HLF: variants seen among roughly 807,000 people sequenced by gnomAD.
HLF encodes HLF transcription factor, PAR bZIP family member.
In HLF, 3 loss-of-function variants were observed where a neutral mutation model predicts 22.6. The observed-to-expected ratio is 0.13, with a 90% CI of 0.06 to 0.34. The LOEUF is 0.34. Ranked by LOEUF, HLF falls within the 10% of genes least tolerant of loss-of-function variation. The probability of loss-of-function intolerance (pLI) is 1.00; values close to 1 mark genes in which losing one functional copy is unlikely to be tolerated. For synonymous variants in HLF, 151 were observed against 151.8 expected (o/e 0.99, Z 0.04); for missense variants, 299 against 389.2 (o/e 0.77, Z 1.95).
At chr17:55,281,337 A>G (rs2080953604) in intron 2 of HLF, among the ~76,000 whole-genome samples, 1 of 152,160 alleles carries the variant, frequency 6.6e-6, no homozygotes, top group Admixed American at 6.5e-5. Flanking sequence ...AACATGGTGA[A>G]ACCCCGTCTC....
At chr17:55,282,033 G>A (rs1443627817) in intron 2 of HLF, among the ~76,000 whole-genome samples, 4 of 152,188 alleles carry the variant, frequency 2.6e-5, no homozygotes, top group Non-Finnish European at 4.4e-5. Context: ...TTTTGAGCAA[G>A]TCACTTGAAT....
chr17:55,309,257 T>C (rs1412399495), intron 2 of HLF, among the ~76,000 whole-genome samples: 8 of 152,202 alleles, frequency 5.3e-5, no homozygotes, highest in African/African-American at 2.4e-5. Flanking sequence ...CCAGCTAATA[T>C]GGCCTGAGTC....
chr17:55,275,757 C>A (rs1255017725), intron 2 of HLF, among the ~76,000 whole-genome samples: 1 of 152,138 alleles, frequency 6.6e-6, no homozygotes, highest in East Asian at 1.9e-4. Context: ...CAAGAAAGAT[C>A]CAGCTTGGTG....
intron 2 of HLF, among the ~76,000 whole-genome samples, chr17:55,268,542 T>C (rs920885915): frequency 7.2e-5 from 11 of 152,196 alleles, no homozygotes; most frequent in Non-Finnish European, 1.5e-4. Flanking sequence ...ATATTCACTC[T>C]TGTCTGTCCT....
Position 55,321,113 on chromosome 17 carries a change from G to A in HLF, c.*234G>A. 2 of 483,574 alleles carry A rather than the reference G, an allele frequency of 4.1e-6. No homozygotes were observed. The highest frequency in any genetic ancestry group is 7.5e-6 in the Non-Finnish European group (2 of 267,062). 30.0% of individuals were successfully genotyped at this position (483,574 alleles called of 1,614,324 possible). A position where few individuals can be genotyped will look rare whatever the true frequency, so the allele number is the denominator to read the frequency against. The stretch of plus-strand genomic sequence containing the variant: ...CCTTTGCTCTTGCCATTTTAAGGTA[G>A]CCCTCTCATCGTCTTTTAGTTCCAA... On this transcript the variant is annotated 3_prime_UTR_variant, in exon 4 of 4. Transcript: ENST00000226067.
chr17:55,279,062 C>A (rs1371418883), intron 2 of HLF, among the ~76,000 whole-genome samples: 1 of 152,230 alleles, frequency 6.6e-6, no homozygotes, highest in Admixed American at 6.5e-5. Context: ...ATTAGTACAC[C>A]TTCCTGGGGA....
intron 2 of HLF, among the ~76,000 whole-genome samples, chr17:55,291,588 A>T (rs974160106): frequency 7.1e-6 from 1 of 141,748 alleles, no homozygotes; most frequent in South Asian, 2.4e-4. Flanking sequence ...AAAAACTCTG[A>T]TGGAGATGTA....
chr17:55,278,037 C>T (rs1309496392), intron 2 of HLF, among the ~76,000 whole-genome samples: 1 of 152,200 alleles, frequency 6.6e-6, no homozygotes, highest in Non-Finnish European at 1.5e-5. Context: ...GCTCCCCTGT[C>T]ACACAGGGTT....
chr17:55,289,864 A>G (rs1031781066), intron 2 of HLF, among the ~76,000 whole-genome samples: 1 of 152,124 alleles, frequency 6.6e-6, no homozygotes, highest in African/African-American at 2.4e-5. Context: ...CCTTCCTAGC[A>G]CTTTGCATTC....
Position 55,265,430 on chromosome 17 carries a change from C to CGGGT in HLF, c.-53_-52insGTGG. 1.5e-6 allele frequency: 1 copy of CGGGT among 673,776 alleles called. No individual in the cohort carries two copies. Among genetic ancestry groups the CGGGT allele is most frequent in the Non-Finnish European group, 2.4e-6 (1 of 417,708 alleles). 41.7% of individuals were successfully genotyped at this position (673,776 alleles called of 1,614,324 possible). A position where few individuals can be genotyped will look rare whatever the true frequency, so the allele number is the denominator to read the frequency against. ...AAAAGCTCAGCAACATTTTAGGGGG[C>CGGGT]GGTTGTTTCTTTCTTATTTCTTTTT... is the stretch of plus-strand genomic sequence containing the variant. On this transcript the variant is annotated 5_prime_UTR_variant, in exon 1 of 4. Transcript: ENST00000226067.
At chr17:55,271,594 A>G (rs2080859074) in intron 2 of HLF, 1 of 152,196 alleles carries the variant, frequency 6.6e-6, no homozygotes, top group South Asian at 2.1e-4. Flanking sequence ...CAGTGACACA[A>G]TCTTGGCTCG....
At chr17:55,269,061 CAGAA>C (rs771139495) in intron 2 of HLF, among the ~76,000 whole-genome samples, 22 of 152,276 alleles carry the variant, frequency 1.4e-4, no homozygotes, top group Admixed American at 4.6e-4. Context: ...TGGGGGAAGA[CAGAA>C]AGCAGGACAA....
At chr17:55,290,803 G>A (rs535655183) in intron 2 of HLF, among the ~76,000 whole-genome samples, 2 of 152,346 alleles carry the variant, frequency 1.3e-5, no homozygotes, top group East Asian at 1.9e-4. Context: ...GGCTTCTTGA[G>A]CCAAACAGTT....
At chr17:55,289,488 C>A (rs2081039060) in intron 2 of HLF, among the ~76,000 whole-genome samples, 1 of 152,150 alleles carries the variant, frequency 6.6e-6, no homozygotes, top group Non-Finnish European at 1.5e-5. Context: ...TTTAGTGTGC[C>A]TCAGTTTACT....
chr17:55,312,540 A>C (rs903748601), intron 2 of HLF, among the ~76,000 whole-genome samples: 19 of 152,230 alleles, frequency 1.2e-4, no homozygotes, highest in African/African-American at 4.6e-4. Context: ...TATTTGTACT[A>C]ACATTGGAAA....
chr17:55,287,610 T>C (rs1428751932), intron 2 of HLF, among the ~76,000 whole-genome samples: 1 of 152,234 alleles, frequency 6.6e-6, no homozygotes, highest in Non-Finnish European at 1.5e-5. Flanking sequence ...GGACTGTGTC[T>C]GGACTACTTT....
At chr17:55,265,975 A>C in intron 1 of HLF, 2 of 428,082 alleles carry the variant, frequency 4.7e-6, no homozygotes, top group Non-Finnish European at 6.4e-6. Flanking sequence ...GGGAGGAGAA[A>C]CCCTGGGGCC....
intron 2 of HLF, among the ~76,000 whole-genome samples, chr17:55,289,160 T>G (rs957430190): frequency 6.6e-6 from 1 of 152,220 alleles, no homozygotes; most frequent in Non-Finnish European, 1.5e-5. Flanking sequence ...GTTTACAGAA[T>G]GGCATGTCTC....
rs953183327 is a variant in HLF, at chr17:55,294,079, A to T, written c.452-21148A>T. Among the ~76,000 whole-genome samples the T allele has an allele frequency of 2.0e-5, 3 of 152,212 alleles. No homozygotes were observed. In the South Asian group the frequency reaches 6.2e-4, roughly 32 times the overall value. ...ACGGTCTTAAAAGAGAAGCACCATG[A>T]AGTGATAAACACATCAGTCCAGGAA... On this transcript the variant is annotated intron_variant, in intron 2 of 3. Transcript: ENST00000226067.
Sources: gnomAD v4.1 joint callset for allele counts (sites outside exome capture counted in the v4.1 genomes callset) on GRCh38, gnomAD v4.1.1 for gene constraint, MANE v1.5 for transcripts, NCBI Gene and HGNC (gene_info 2026-07-23, HGNC 2026-07-21) for gene names.